ZNF362: variants seen among roughly 807,000 people sequenced by gnomAD.
ZNF362 encodes rotund homolog.
In ZNF362, 11 loss-of-function variants were observed where a neutral mutation model predicts 42.9. The observed-to-expected ratio is 0.26, with a 90% CI of 0.16 to 0.42. ZNF362 has a LOEUF of 0.42. ZNF362 is among the 20% of genes least tolerant of loss of function. ZNF362 has a pLI of 1.00. For synonymous variants in ZNF362, 255 were observed against 257.3 expected, an observed-to-expected ratio of 0.99 and a Z score of 0.09; for missense variants, 362 against 576.2, an observed-to-expected ratio of 0.63 and a Z score of 3.81.
intron 1 of ZNF362, among the ~76,000 whole-genome samples, chr1:33,262,795 C>T (rs370505547): frequency 6.6e-6 from 1 of 152,214 alleles, no homozygotes; most frequent in Non-Finnish European, 1.5e-5. Context: ...CAATGTGGAG[C>T]ACTCCTCTGC....
chr1:33,235,722 A>G, the ZNF362 span, among the ~76,000 whole-genome samples: 2 of 152,208 alleles, frequency 1.3e-5, no homozygotes, highest in African/African-American at 4.8e-5. Flanking sequence ...CTAAGAGGAA[A>G]CATCAGAGAT....
chr1:33,265,416 GC>G (rs1011947308), intron 1 of ZNF362, among the ~76,000 whole-genome samples: 1 of 152,002 alleles, frequency 6.6e-6, no homozygotes, highest in Non-Finnish European at 1.5e-5. Flanking sequence ...GATTAGCCCT[GC>G]CATCACAATG....
chr1:33,138,001 C>T, the ZNF362 span, among the ~76,000 whole-genome samples: 138 of 152,048 alleles, frequency 9.1e-4, no homozygotes, highest in Non-Finnish European at 1.4e-3. Flanking sequence ...CTTACTGCAC[C>T]GGTAGGTGGC....
upstream of ZNF362, among the ~76,000 whole-genome samples, chr1:33,254,131 G>GTT (rs1168816102): frequency 4.2e-3 from 166 of 39,270 alleles, 1 homozygote; most frequent in African/African-American, 8.6e-3. Context: ...TAGTTCGTCT[G>GTT]TTTTTTTTTT....
the ZNF362 span, chr1:33,181,587 A>C: frequency 1.5e-6 from 2 of 1,339,272 alleles, no homozygotes; most frequent in East Asian, 5.6e-5. This position sits in a 1 kb window ranked among gnomAD's most constrained non-coding sequence, Gnocchi z 6.5. Flanking sequence ...TGCTGTCCGG[A>C]AGGAGGGTAA....
At chr1:33,253,225 A>G (rs896365080), upstream of ZNF362, among the ~76,000 whole-genome samples, 1 of 144,812 alleles carries the variant, frequency 6.9e-6, no homozygotes, top group Non-Finnish European at 1.5e-5. Context: ...AGCATCTAGT[A>G]TGGCTGGATT....
At chr1:33,176,383 C>T in the ZNF362 span, 1 of 684,298 alleles carries the variant, frequency 1.5e-6, no homozygotes, top group Non-Finnish European at 2.7e-6. Context: ...GCCTTGGTGT[C>T]ACTGGATCAC....
chr1:33,233,984 A>C, the ZNF362 span, among the ~76,000 whole-genome samples: 2,436 of 152,338 alleles, frequency 0.016, 29 homozygotes, highest in Non-Finnish European at 0.024. Context: ...GTAAACACTT[A>C]GGATGAATGG....
At chr1:33,180,825 G>A in the ZNF362 span, among the ~76,000 whole-genome samples, 1 of 127,326 alleles carries the variant, frequency 7.9e-6, no homozygotes, top group East Asian at 2.5e-4. Flanking sequence ...CCAAGGCCCC[G>A]CCCCCACGGC....
the ZNF362 span, among the ~76,000 whole-genome samples, chr1:33,133,458 C>T: frequency 6.6e-6 from 1 of 152,194 alleles, no homozygotes; most frequent in African/African-American, 2.4e-5. Context: ...AATGGCTTAC[C>T]TGGGCCCCTC....
At chr1:33,262,026 A>G (rs1008710591) in intron 1 of ZNF362, among the ~76,000 whole-genome samples, 2 of 152,148 alleles carry the variant, frequency 1.3e-5, no homozygotes, top group African/African-American at 2.4e-5. Flanking sequence ...AGCCAGCTGC[A>G]TTGGGAGTTG....
chr1:33,238,791 CTA>C, the ZNF362 span, among the ~76,000 whole-genome samples: 1 of 152,060 alleles, frequency 6.6e-6, no homozygotes, highest in Non-Finnish European at 1.5e-5. Context: ...CCTGAGCGTT[CTA>C]TCTCTCCCTC....
intron 6 of ZNF362, among the ~76,000 whole-genome samples, chr1:33,286,927 A>C (rs1389405263): frequency 2.6e-5 from 4 of 152,184 alleles, no homozygotes; most frequent in Non-Finnish European, 5.9e-5. Flanking sequence ...ATAGAGGTAG[A>C]GTTAGCAAGA....
At position 33,280,226 on chromosome 1, in the gene ZNF362, C is replaced by G. The variant is rs749779241; in HGVS notation, c.452C>G (p.Thr151Ser). 1.7e-5 allele frequency: 27 copies of G among 1,613,894 alleles called. No individual in the cohort carries two copies. Among genetic ancestry groups the G allele is most frequent in the Non-Finnish European group, 2.2e-5 (26 of 1,179,926 alleles). The change falls in exon 5 of 9, where the codon ACC (threonine) becomes AGC (serine). Residue 151 changes from threonine (T) to serine (S), a missense_variant. Thr to Ser is a moderately conservative substitution (Grantham distance 58). Coordinates refer to ENST00000539719, the MANE Select transcript of ZNF362 (RefSeq NM_152493.3). The surrounding 1 kb of genome is among the most constrained non-coding windows in gnomAD (Gnocchi z 5.6). ...AGCACCCCGTCCACACCCACCACCA[C>G]CAGCCAGAGCCGCCTCATCGCCTCG... is the stretch of plus-strand genomic sequence containing the variant. ...GTSTPSTPTT[T>S]SQSRLIASSP... is the part of the protein sequence containing the mutation.
chr1:33,227,798 A>AGTC, the ZNF362 span, among the ~76,000 whole-genome samples: 4 of 152,040 alleles, frequency 2.6e-5, no homozygotes, highest in Admixed American at 6.6e-5. Context: ...GTCTCTCAAG[A>AGTC]GTCCCTCATT....
the ZNF362 span, among the ~76,000 whole-genome samples, chr1:33,234,038 A>G: frequency 6.6e-6 from 1 of 152,302 alleles, no homozygotes; most frequent in Admixed American, 6.5e-5. Context: ...ATCTATTTTT[A>G]TGATTATTCC....
At chr1:33,221,125 A>C in the ZNF362 span, among the ~76,000 whole-genome samples, 1 of 152,184 alleles carries the variant, frequency 6.6e-6, no homozygotes, top group African/African-American at 2.4e-5. Context: ...CGAGGCGTGG[A>C]GGGCAAGACC....
intron 6 of ZNF362, among the ~76,000 whole-genome samples, chr1:33,293,711 C>A (rs1646096268): frequency 6.6e-6 from 1 of 152,200 alleles, no homozygotes; most frequent in South Asian, 2.1e-4. Context: ...TTTGCCCAAA[C>A]AGATGCTTGA....
chr1:33,236,550 A>AAAAATATAT, the ZNF362 span, among the ~76,000 whole-genome samples: 7 of 5,978 alleles, frequency 1.2e-3, no homozygotes, highest in African/African-American at 2.3e-3. Flanking sequence ...AAAAAAAAAA[A>AAAAATATAT]ATATATATAT....
Sources: allele counts gnomAD v4.1 joint callset (sites outside exome capture counted in the v4.1 genomes callset), GRCh38; gene constraint gnomAD v4.1.1; non-coding constraint Gnocchi (gnomAD v3.1); transcripts MANE v1.5; gene names NCBI Gene and HGNC (gene_info 2026-07-23, HGNC 2026-07-21).